The following APBB2 variants were observed in gnomAD, a reference collection of about 807,000 sequenced individuals.
APBB2 encodes the protein Fe65-like 1.
A neutral mutation model predicts 82.5 loss-of-function variants in APBB2; 38 were observed. The observed-to-expected ratio is 0.46, with a 90% CI of 0.36 to 0.60. The LOEUF is 0.60. APBB2 is among the 20% of genes least tolerant of loss of function. The pLI is 0.00. For synonymous variants in APBB2, 341 were observed against 368.2 expected (o/e 0.93, Z 0.85); for missense variants, 772 against 972.3 (o/e 0.79, Z 2.74).
At chr4:40,961,523 T>A (rs550756386) in intron 6 of APBB2, among the ~76,000 whole-genome samples, 1 of 144,720 alleles carries the variant, frequency 6.9e-6, no homozygotes, top group Non-Finnish European at 1.5e-5. Context: ...AGGGATAGCA[T>A]TGGGAGATAT....
At chr4:40,992,713 C>T (rs940459759) in intron 6 of APBB2, among the ~76,000 whole-genome samples, 3 of 152,068 alleles carry the variant, frequency 2.0e-5, no homozygotes, top group African/African-American at 7.2e-5. Flanking sequence ...AGGAGTATCA[C>T]GAGCAGAAGA....
chr4:40,937,968 A>C (rs1785800188), intron 7 of APBB2, among the ~76,000 whole-genome samples: 1 of 152,240 alleles, frequency 6.6e-6, no homozygotes, highest in Non-Finnish European at 1.5e-5. Context: ...CCACCCCCGT[A>C]GGGGTGGGAG....
At chr4:41,150,187 A>T (rs1761883229) in intron 1 of APBB2, among the ~76,000 whole-genome samples, 1 of 152,230 alleles carries the variant, frequency 6.6e-6, no homozygotes, top group Non-Finnish European at 1.5e-5. Flanking sequence ...TTTTATTATA[A>T]TAATGGGCAA....
intron 2 of APBB2, among the ~76,000 whole-genome samples, chr4:41,121,098 T>C (rs1020713533): frequency 1.1e-4 from 17 of 152,214 alleles, no homozygotes; most frequent in African/African-American, 2.4e-5. Flanking sequence ...ACGAAAACTG[T>C]TTGAAGTGGC....
At chr4:41,036,151 C>T (rs1273109467) in intron 4 of APBB2, among the ~76,000 whole-genome samples, 2 of 152,170 alleles carry the variant, frequency 1.3e-5, no homozygotes, top group Non-Finnish European at 2.9e-5. Flanking sequence ...GAGTGACACC[C>T]TATCTCTAAA....
At chr4:40,886,624 G>C (rs1442939776) in intron 12 of APBB2, among the ~76,000 whole-genome samples, 2 of 152,180 alleles carry the variant, frequency 1.3e-5, no homozygotes, top group Non-Finnish European at 2.9e-5. Context: ...CCTGAAACTG[G>C]GTAGGGACAT....
At chr4:41,062,083 CT>C (rs1461464185) in intron 4 of APBB2, among the ~76,000 whole-genome samples, 8 of 152,334 alleles carry the variant, frequency 5.3e-5, no homozygotes, top group Admixed American at 3.3e-4. Context: ...GCAGCAAGGG[CT>C]GCTAAGGTTA....
rs775203805 is a variant in APBB2 at position 40,816,092 on chromosome 4, C to T, written c.2280G>A (p.Ter760=). 12 of 1,612,932 alleles carry T rather than the reference C, an allele frequency of 7.4e-6. No individual in the cohort carries two copies. The African/African-American group carries it at 1.1e-4, about 14-fold the overall frequency. ...KQKRPVTEMP[*] Reference sequence around the variant, plus strand: ...TAGCCGAGTCCTTTTGCATGTGCAGCTATGGCATTTCGGTGACAGGGCGTT... The same window carrying T: ...TAGCCGAGTCCTTTTGCATGTGCAGTTATGGCATTTCGGTGACAGGGCGTT... Residue 760 remains the stop codon, a stop_retained_variant, in exon 18 of 18, where the codon TAG becomes TAA. Coordinates refer to ENST00000508593, the MANE Select transcript of APBB2 (RefSeq NM_004307.2).
intron 6 of APBB2, among the ~76,000 whole-genome samples, chr4:40,974,071 C>T (rs1796588301): frequency 6.6e-6 from 1 of 151,834 alleles, no homozygotes. Flanking sequence ...TCAGGCTGGT[C>T]TCGAACTCCT....
chr4:40,975,092 A>C (rs901071075), intron 6 of APBB2, among the ~76,000 whole-genome samples: 1 of 152,092 alleles, frequency 6.6e-6, no homozygotes, highest in African/African-American at 2.4e-5. Flanking sequence ...TCCCCACCCC[A>C]ATGCTAGGCT....
chr4:40,848,692 A>G (rs1168596948), intron 12 of APBB2, among the ~76,000 whole-genome samples: 1 of 152,098 alleles, frequency 6.6e-6, no homozygotes, highest in African/African-American at 2.4e-5. Flanking sequence ...TCCTCTGCTT[A>G]CAATTCCCAA....
intron 2 of APBB2, among the ~76,000 whole-genome samples, chr4:41,132,664 A>G (rs1044946562): frequency 3.0e-4 from 46 of 152,210 alleles, no homozygotes; most frequent in African/African-American, 1.1e-3. Flanking sequence ...ACATTTAGGA[A>G]ATATCTTTTT....
At chr4:40,956,049 C>T (rs968313799) in intron 6 of APBB2, among the ~76,000 whole-genome samples, 1 of 152,196 alleles carries the variant, frequency 6.6e-6, no homozygotes, top group Non-Finnish European at 1.5e-5. Context: ...GCTGGGATTA[C>T]AGGTGTGAGC....
chr4:41,087,888 A>T (rs1423375496), intron 3 of APBB2, among the ~76,000 whole-genome samples: 1 of 152,226 alleles, frequency 6.6e-6, no homozygotes, highest in African/African-American at 2.4e-5. Flanking sequence ...AGACAGCGGT[A>T]TAATACCAAA....
At chr4:40,926,322 G>A (rs543342874) in intron 10 of APBB2, among the ~76,000 whole-genome samples, 66 of 152,292 alleles carry the variant, frequency 4.3e-4, no homozygotes, top group African/African-American at 1.3e-3. Flanking sequence ...GAAAAGCACC[G>A]CAAAGGATTG....
intron 12 of APBB2, chr4:40,880,148 C>G: frequency 3.0e-6 from 3 of 985,388 alleles, no homozygotes; most frequent in Non-Finnish European, 3.6e-6. Context: ...ACACAGAGCG[C>G]CCCTAACATC....
At position 40,838,421 on chromosome 4, in the gene APBB2, C is replaced by T. The variant is rs531911312; in HGVS notation, c.1530-7844G>A. The stretch of plus-strand genomic sequence containing the variant: ...TGTGATCTCGACTCACTGCAACCTC[C>T]GCCTCCCGGGTTCAAGCAATTCTCC... On this transcript the variant is annotated intron_variant, in intron 12 of 17. Coordinates refer to ENST00000508593, the MANE Select transcript of APBB2 (RefSeq NM_004307.2). Among the ~76,000 whole-genome samples, 35 of 149,800 alleles carry T rather than the reference C, an allele frequency of 2.3e-4. No homozygotes were observed. The East Asian group carries it at 3.5e-3, about 15-fold the overall frequency.
chr4:40,877,165 A>G (rs1767138079), intron 12 of APBB2, among the ~76,000 whole-genome samples: 2 of 152,264 alleles, frequency 1.3e-5, no homozygotes, highest in East Asian at 1.9e-4. Flanking sequence ...GAATAAATAG[A>G]AAGAACAGCT....
At chr4:40,900,165 A>G (rs1320436353) in intron 10 of APBB2, among the ~76,000 whole-genome samples, 2 of 152,234 alleles carry the variant, frequency 1.3e-5, no homozygotes, top group Non-Finnish European at 2.9e-5. Flanking sequence ...ACAGTCATCT[A>G]TGGGAATCAT....
Sources: allele counts gnomAD v4.1 joint callset (sites outside exome capture counted in the v4.1 genomes callset), GRCh38; gene constraint gnomAD v4.1.1; transcripts MANE v1.5; gene names NCBI Gene and HGNC (gene_info 2026-07-23, HGNC 2026-07-21).